Variants in SUMF1 observed in about 807,000 individuals in gnomAD.
SUMF1 encodes the protein sulfatase modifying factor 1.
A neutral mutation model predicts 47.6 loss-of-function variants in SUMF1; 48 were observed. That is an observed-to-expected ratio of 1.01 (90% CI 0.80 to 1.28). SUMF1 has a LOEUF of 1.28. SUMF1 is among the 50% of genes most tolerant of loss of function. The probability of loss-of-function intolerance (pLI) is 0.00; values close to 1 mark genes in which losing one functional copy is unlikely to be tolerated. For synonymous variants in SUMF1, 230 were observed against 192.1 expected, an observed-to-expected ratio of 1.20 and a Z score of -1.63; for missense variants, 571 against 485.4, an observed-to-expected ratio of 1.18 and a Z score of -1.66.
chr3:4,426,452 C>T (rs991504932), intron 3 of SUMF1, among the ~76,000 whole-genome samples: 1 of 152,238 alleles, frequency 6.6e-6, no homozygotes, highest in African/African-American at 2.4e-5. Flanking sequence ...TCCAAACTCA[C>T]TAGACGTTTT....
chr3:4,126,541 G>C (rs1404030410), intron 8 of SUMF1, among the ~76,000 whole-genome samples: 1 of 151,992 alleles, frequency 6.6e-6, no homozygotes, highest in Non-Finnish European at 1.5e-5. Flanking sequence ...AGATTTGTTT[G>C]TTAAGACCTT....
chr3:4,461,933 T>C (rs2079825110), intron 1 of SUMF1, among the ~76,000 whole-genome samples: 1 of 152,172 alleles, frequency 6.6e-6, no homozygotes, highest in East Asian at 1.9e-4. Flanking sequence ...GAAGGTGAGA[T>C]AACCCCTTCC....
intron 8 of SUMF1, among the ~76,000 whole-genome samples, chr3:4,268,934 C>G (rs1697252353): frequency 6.6e-6 from 1 of 151,834 alleles, no homozygotes; most frequent in Admixed American, 6.6e-5. Context: ...ACTTAAGTTG[C>G]AAATCATAGC....
chr3:4,221,938 T>A (rs1696074742), intron 8 of SUMF1, among the ~76,000 whole-genome samples: 1 of 151,548 alleles, frequency 6.6e-6, no homozygotes, highest in African/African-American at 2.4e-5. Flanking sequence ...GTTTTGTATA[T>A]CCTCTGATTT....
chr3:4,036,206 T>A (rs572751510), intron 9 of SUMF1, among the ~76,000 whole-genome samples: 24 of 152,304 alleles, frequency 1.6e-4, no homozygotes, highest in African/African-American at 5.8e-4. Flanking sequence ...TCAGTGATTA[T>A]GAGGATGAGA....
intron 7 of SUMF1, among the ~76,000 whole-genome samples, chr3:4,404,430 G>A (rs1701310675): frequency 6.6e-6 from 1 of 152,098 alleles, no homozygotes; most frequent in South Asian, 2.1e-4. Context: ...CTATCAAACT[G>A]ATTTATTCAT....
chr3:4,331,872 T>C (rs776610236), intron 8 of SUMF1, among the ~76,000 whole-genome samples: 22 of 152,160 alleles, frequency 1.4e-4, no homozygotes, highest in Non-Finnish European at 3.1e-4. Context: ...CATAAGTTTA[T>C]AGACAAGTTA....
At chr3:4,211,261 T>G (rs968452825) in intron 8 of SUMF1, among the ~76,000 whole-genome samples, 2 of 142,036 alleles carry the variant, frequency 1.4e-5, no homozygotes, top group African/African-American at 5.2e-5. Flanking sequence ...GAACCCTGAC[T>G]AATATACCCA....
chr3:4,176,901 A>G (rs1694977567), intron 8 of SUMF1, among the ~76,000 whole-genome samples: 1 of 152,220 alleles, frequency 6.6e-6, no homozygotes. Flanking sequence ...CATCTCTGAT[A>G]AAACAGACTT....
intron 8 of SUMF1, among the ~76,000 whole-genome samples, chr3:4,122,804 G>A (rs1050776076): frequency 6.6e-6 from 1 of 152,166 alleles, no homozygotes; most frequent in Non-Finnish European, 1.5e-5. Context: ...CAAAGCAGAG[G>A]AGTGTATTGG....
chr3:4,250,746 G>A (rs1696783261), intron 8 of SUMF1, among the ~76,000 whole-genome samples: 1 of 152,090 alleles, frequency 6.6e-6, no homozygotes, highest in African/African-American at 2.4e-5. Context: ...CTGCTTAAAT[G>A]GAATAACAAA....
intron 8 of SUMF1, among the ~76,000 whole-genome samples, chr3:4,103,754 C>T (rs3846150): frequency 0.15 from 22,797 of 151,880 alleles, 3,666 homozygotes; most frequent in African/African-American, 0.39. Context: ...GACAAACCAC[C>T]ATGATTACGT....
intron 8 of SUMF1, among the ~76,000 whole-genome samples, chr3:4,194,797 C>A (rs923153066): frequency 6.6e-6 from 1 of 152,102 alleles, no homozygotes; most frequent in East Asian, 1.9e-4. Flanking sequence ...CCCATTAATA[C>A]GGTCAATACA....
chr3:4,141,694 C>A (rs1259874614), intron 8 of SUMF1, among the ~76,000 whole-genome samples: 1 of 152,004 alleles, frequency 6.6e-6, no homozygotes, highest in Non-Finnish European at 1.5e-5. Context: ...AACAAACAAA[C>A]AAAAAACATA....
intron 8 of SUMF1, among the ~76,000 whole-genome samples, chr3:4,184,915 G>C (rs934615435): frequency 6.6e-6 from 1 of 152,072 alleles, no homozygotes; most frequent in Non-Finnish European, 1.5e-5. Flanking sequence ...CTCCCAAAGA[G>C]CTAGGATTAC....
intron 8 of SUMF1, among the ~76,000 whole-genome samples, chr3:4,121,834 C>T (rs1373221063): frequency 2.0e-5 from 3 of 151,986 alleles, no homozygotes; most frequent in Non-Finnish European, 1.5e-5. Flanking sequence ...GCCTAATGCC[C>T]ATTAGTTATT....
At chr3:4,057,335 C>G (rs1695209871) in intron 9 of SUMF1, among the ~76,000 whole-genome samples, 1 of 152,082 alleles carries the variant, frequency 6.6e-6, no homozygotes, top group Non-Finnish European at 1.5e-5. Context: ...CTCACCATCA[C>G]TCACTGCATA....
At position 4,130,395 on chromosome 3, in the gene SUMF1, T is replaced by C. The variant is rs115526419; in HGVS notation, c.1015-61650A>G. On this transcript the variant is annotated intron_variant and NMD_transcript_variant, in intron 8 of 12. Transcript: ENST00000448413. ...CCAGCAATATACGTTTACTGTCCTA[T>C]CTCAGGGGTATACAAACTCCCTGGC... Among the ~76,000 whole-genome samples, 1,489 of 152,280 alleles carry C rather than the reference T, an allele frequency of 9.8e-3. 26 individuals carry two copies. Among genetic ancestry groups the C allele is most frequent in the African/African-American group, 0.033 (1,357 of 41,536 alleles).
At chr3:4,281,395 T>A (rs1023268068) in intron 8 of SUMF1, among the ~76,000 whole-genome samples, 1 of 152,156 alleles carries the variant, frequency 6.6e-6, no homozygotes, top group African/African-American at 2.4e-5. Context: ...CTGAGATATA[T>A]TGATCATCCA....
Sources: allele counts gnomAD v4.1 joint callset (sites outside exome capture counted in the v4.1 genomes callset), GRCh38; gene constraint gnomAD v4.1.1; transcripts MANE v1.5; gene names NCBI Gene and HGNC (gene_info 2026-07-23, HGNC 2026-07-21).